The following USH2A variants were observed in gnomAD, a reference collection of about 807,000 sequenced individuals.
USH2A encodes Usher syndrome 2A (autosomal recessive, mild).
A neutral mutation model predicts 538.9 loss-of-function variants in USH2A; 443 were observed. The observed-to-expected ratio is 0.82, with a 90% CI of 0.76 to 0.89. The LOEUF (loss-of-function observed/expected upper bound fraction) is 0.89. Ranked by LOEUF, USH2A falls within the 40% of genes least tolerant of loss-of-function variation. The probability of loss-of-function intolerance (pLI) is 0.00; values close to 1 mark genes in which losing one functional copy is unlikely to be tolerated. For missense variants in USH2A, 6,633 were observed against 6,324.8 expected (o/e 1.05, Z -1.65); for synonymous variants, 2,413 against 2,273.5 (o/e 1.06, Z -1.75).
chr1:215,629,773 C>CTTTTTT lies in USH2A; in HGVS notation c.15298-744_15298-739dup, dbSNP rs34349385. On this transcript the variant is annotated intron_variant, in intron 70 of 71. Transcript: ENST00000307340. ...ATGTTTCTGCTTTTTCTTTTCTTTTCTTTTTTTTTTTTTTTTTTTTGAGAC... is the reference window on the plus strand; with the variant it reads ...ATGTTTCTGCTTTTTCTTTTCTTTTCTTTTTTTTTTTTTTTTTTTTTTTTTTGAGAC... Among the ~76,000 whole-genome samples the CTTTTTT allele has an allele frequency of 9.4e-4, 118 of 124,980 alleles. 1 individual carries two copies. The highest frequency in any genetic ancestry group is 1.6e-3 in the African/African-American group (49 of 31,022). The allele number at this position is 124,980 out of a possible 152,430, so 82.0% of individuals were successfully genotyped here.
chr1:215,942,153 C>T (rs1054919339), intron 37 of USH2A, among the ~76,000 whole-genome samples: 3 of 152,042 alleles, frequency 2.0e-5, no homozygotes, highest in South Asian at 2.1e-4. Flanking sequence ...TGTAGGCTGT[C>T]GAGACTGAGG....
At chr1:215,947,630 CAT>C (rs1666791241) in intron 37 of USH2A, among the ~76,000 whole-genome samples, 1 of 152,128 alleles carries the variant, frequency 6.6e-6, no homozygotes, top group South Asian at 2.1e-4. Context: ...GCATTGAATT[CAT>C]AGTCCTAAGA....
intron 29 of USH2A, among the ~76,000 whole-genome samples, chr1:216,071,916 G>T (rs1296265438): frequency 6.6e-5 from 10 of 152,164 alleles, no homozygotes; most frequent in African/African-American, 2.4e-4. Context: ...CTGGAAAAGT[G>T]TCAAGTTGTC....
chr1:215,626,251 T>G (rs1656019399), intron 71 of USH2A, among the ~76,000 whole-genome samples: 1 of 149,946 alleles, frequency 6.7e-6, no homozygotes. Flanking sequence ...ATATACACAC[T>G]ATATAGACAC....
At chr1:216,116,100 TA>T (rs1388830777) in intron 21 of USH2A, among the ~76,000 whole-genome samples, 1 of 151,628 alleles carries the variant, frequency 6.6e-6, no homozygotes, top group Non-Finnish European at 1.5e-5. Context: ...TCTATAAAAT[TA>T]AAAAAATAAT....
intron 58 of USH2A, among the ~76,000 whole-genome samples, chr1:215,756,746 A>T (rs1325696625): frequency 6.6e-6 from 1 of 152,022 alleles, no homozygotes; most frequent in East Asian, 1.9e-4. Context: ...CAGCATGGTG[A>T]AGCCCCATTT....
At chr1:215,845,678 T>C (rs1663819666) in intron 45 of USH2A, 146 bp downstream of exon 45, 4 of 773,426 alleles carry the variant, frequency 5.2e-6, no homozygotes, top group Admixed American at 2.0e-5. Flanking sequence ...CTGATGACAG[T>C]GAGCACTTAA....
intron 49 of USH2A, among the ~76,000 whole-genome samples, chr1:215,805,753 C>G (rs1662482307): frequency 6.6e-6 from 1 of 151,258 alleles, no homozygotes; most frequent in East Asian, 1.9e-4. Flanking sequence ...GTAGATTGTC[C>G]CTTCCTTCTA....
intron 11 of USH2A, among the ~76,000 whole-genome samples, chr1:216,275,731 A>C (rs1194535534): frequency 6.6e-6 from 1 of 152,172 alleles, no homozygotes; most frequent in Non-Finnish European, 1.5e-5. Context: ...AGGGAGGTAC[A>C]TTAAGTCTCT....
At chr1:216,201,470 C>T (rs561854157) in intron 16 of USH2A, among the ~76,000 whole-genome samples, 16 of 152,042 alleles carry the variant, frequency 1.1e-4, no homozygotes, top group South Asian at 4.2e-4. Flanking sequence ...CCCACCACCA[C>T]GCCCGGCTAA....
At chr1:215,637,529 A>C (rs1656532731) in intron 69 of USH2A, among the ~76,000 whole-genome samples, 1 of 152,144 alleles carries the variant, frequency 6.6e-6, no homozygotes, top group Non-Finnish European at 1.5e-5. Context: ...TTATACCTCC[A>C]CTTGTCCACT....
intron 13 of USH2A, 32 bp from the exon 14 acceptor site, chr1:216,232,168 TACTTTTTATCC>T (rs1368143015): frequency 6.3e-7 from 1 of 1,580,054 alleles, no homozygotes; most frequent in Admixed American, 1.7e-5. Flanking sequence ...GTTTTATATA[TACTTTTTATCC>T]ACTCTTTTAT....
intron 8 of USH2A, among the ~76,000 whole-genome samples, chr1:216,322,484 G>A (rs1257190331): frequency 1.3e-5 from 2 of 150,452 alleles, no homozygotes; most frequent in African/African-American, 2.5e-5. Context: ...GCACATGCCT[G>A]TAGTCCCAGT....
chr1:216,292,657 A>C (rs542187391), intron 9 of USH2A, among the ~76,000 whole-genome samples: 1 of 152,106 alleles, frequency 6.6e-6, no homozygotes, highest in Non-Finnish European at 1.5e-5. Context: ...TTTATAGGCT[A>C]CATGGGATGT....
Position 215,838,036 on chromosome 1 carries a change from G to A in USH2A, c.9326C>T (p.Thr3109Ile). ...TGTGGGTGTTGGTATATCACTTGGAGTGTCTTCCACAGTGGTAATTTGGGT... is the reference window on the plus strand; with the variant it reads ...TGTGGGTGTTGGTATATCACTTGGAATGTCTTCCACAGTGGTAATTTGGGT... Reference protein sequence around the residue: ...NGTQITTVEDTPSDIPTPTIR... With the variant: ...NGTQITTVEDIPSDIPTPTIR... The change falls in exon 47 of 72, where the codon ACT (threonine) becomes ATT (isoleucine). Residue 3109 changes from threonine to isoleucine, a missense_variant. Thr to Ile is a moderately conservative substitution (Grantham distance 89, BLOSUM62 -1). Transcript: ENST00000307340. 6.2e-7 allele frequency: 1 copy of A among 1,614,036 alleles called. No individual in the cohort carries two copies. Among genetic ancestry groups the A allele is most frequent in the Non-Finnish European group, 8.5e-7 (1 of 1,179,942 alleles).
chr1:215,677,463 G>A (rs538036253), intron 62 of USH2A, among the ~76,000 whole-genome samples: 27 of 152,004 alleles, frequency 1.8e-4, no homozygotes, highest in Non-Finnish European at 3.5e-4. Context: ...GCTTTAATGA[G>A]TTGATGTCCT....
intron 49 of USH2A, among the ~76,000 whole-genome samples, chr1:215,812,523 G>T (rs1365513015): frequency 6.6e-6 from 1 of 152,040 alleles, no homozygotes; most frequent in Non-Finnish European, 1.5e-5. Context: ...ACATGCCTTG[G>T]ATGGATATAG....
intron 44 of USH2A, among the ~76,000 whole-genome samples, chr1:215,861,854 T>TTTTTTTTTG (rs1558132381): frequency 6.9e-6 from 1 of 145,844 alleles, no homozygotes. Context: ...TTTTTTTTTT[T>TTTTTTTTTG]TTTTGAGACA....
intron 40 of USH2A, among the ~76,000 whole-genome samples, chr1:215,899,690 T>C (rs540691337): frequency 2.0e-5 from 3 of 152,140 alleles, no homozygotes; most frequent in Admixed American, 1.3e-4. Flanking sequence ...AGCAGCCTCA[T>C]GAAGTAAGGT....
Sources: allele counts gnomAD v4.1 joint callset (sites outside exome capture counted in the v4.1 genomes callset), GRCh38; gene constraint gnomAD v4.1.1; transcripts MANE v1.5; gene names NCBI Gene and HGNC (gene_info 2026-07-23, HGNC 2026-07-21).